Variants in ASS1 observed in about 807,000 individuals in gnomAD.
ASS1 encodes argininosuccinate synthase.
In ASS1, 58 loss-of-function variants were observed where a neutral mutation model predicts 60.5. That is an observed-to-expected ratio of 0.96 (90% confidence interval 0.78 to 1.19). The LOEUF (loss-of-function observed/expected upper bound fraction) is 1.19. ASS1 is among the 50% of genes most tolerant of loss of function. The probability of loss-of-function intolerance (pLI) is 0.00; values close to 1 mark genes in which losing one functional copy is unlikely to be tolerated. For missense variants in ASS1, 454 were observed against 547.3 expected (o/e 0.83, Z 1.70); for synonymous variants, 200 against 206.9 (o/e 0.97, Z 0.29).
rs1564906845 is a variant in ASS1, at chr9:130,465,037, TATA to T, written c.420+871_420+873del. Among the ~76,000 whole-genome samples the T allele has an allele frequency of 2.6e-3, 308 of 119,308 alleles. 1 individual carries two copies. Among genetic ancestry groups the T allele is most frequent in the African/African-American group, 9.9e-3 (290 of 29,214 alleles). 78.3% of individuals were successfully genotyped at this position (119,308 alleles called of 152,430 possible). A position where few individuals can be genotyped will look rare whatever the true frequency, so the allele number is the denominator to read the frequency against. On this transcript the variant is annotated intron_variant, in intron 5 of 14. Transcript: ENST00000352480. ...ATTACATATAAATACATATGTTTTA[TATA>T]TATATATATATATATATTTTTTTTT...
intron 5 of ASS1, among the ~76,000 whole-genome samples, chr9:130,465,873 G>A (rs553731892): frequency 2.6e-5 from 4 of 152,298 alleles, no homozygotes; most frequent in South Asian, 2.1e-4. Flanking sequence ...GCCCTCCCTC[G>A]GTTCCCACAG....
At chr9:130,485,166 C>T (rs1257410588) in intron 11 of ASS1, among the ~76,000 whole-genome samples, 1 of 152,196 alleles carries the variant, frequency 6.6e-6, no homozygotes. Flanking sequence ...GAGCCCTGAA[C>T]CCCACCTGCG....
chr9:130,454,186 C>T (rs1433911224), intron 2 of ASS1, 119 bp from the exon 3 acceptor site: 4 of 1,018,354 alleles, frequency 3.9e-6, no homozygotes, highest in African/African-American at 3.2e-5. Context: ...CTTACTGTGA[C>T]TTGGCCATGG....
chr9:130,467,092 C>T (rs1186300002), intron 6 of ASS1, among the ~76,000 whole-genome samples: 4 of 152,244 alleles, frequency 2.6e-5, no homozygotes, highest in African/African-American at 9.6e-5. Flanking sequence ...CCCTGGGAGG[C>T]GGAGACCAGA....
chr9:130,449,807 C>T (rs1845283298), intron 1 of ASS1, among the ~76,000 whole-genome samples: 1 of 152,140 alleles, frequency 6.6e-6, no homozygotes, highest in South Asian at 2.1e-4. Context: ...GTCACGGGCG[C>T]ATCCGCACGC....
At chr9:130,467,830 C>T (rs1331410803) in intron 6 of ASS1, among the ~76,000 whole-genome samples, 4 of 152,244 alleles carry the variant, frequency 2.6e-5, no homozygotes, top group East Asian at 3.9e-4. Context: ...CCTCACGCCT[C>T]GAGTCCTGGA....
intron 11 of ASS1, among the ~76,000 whole-genome samples, chr9:130,484,607 C>T (rs771329122): frequency 9.9e-5 from 15 of 152,174 alleles, no homozygotes; most frequent in Non-Finnish European, 1.8e-4. Context: ...GTCTCTTCCA[C>T]GGCAACACAG....
intron 13 of ASS1, among the ~76,000 whole-genome samples, chr9:130,495,746 C>G (rs1384110924): frequency 6.6e-6 from 1 of 152,006 alleles, no homozygotes; most frequent in African/African-American, 2.4e-5. Context: ...AATGCGGTAG[C>G]TTGGACCATG....
intron 2 of ASS1, 147 bp downstream of exon 2, chr9:130,452,480 C>T: frequency 1.3e-6 from 1 of 757,290 alleles, no homozygotes. Flanking sequence ...CTGTCTTGAA[C>T]TGGAACTAGG....
intron 5 of ASS1, chr9:130,466,485 C>T (rs758427162): frequency 1.7e-6 from 1 of 589,070 alleles, no homozygotes; most frequent in Non-Finnish European, 3.1e-6. Flanking sequence ...CCCCTTCTCA[C>T]CCCAACACAC....
At chr9:130,495,229 G>A (rs1846555238) in intron 13 of ASS1, among the ~76,000 whole-genome samples, 1 of 152,096 alleles carries the variant, frequency 6.6e-6, no homozygotes, top group Non-Finnish European at 1.5e-5. Flanking sequence ...TTACCAGAAT[G>A]TAGAATTAGA....
rs552482235 is a variant in ASS1 at position 130,501,123 on chromosome 9, G to T, written c.*102G>T. On this transcript the variant is annotated 3_prime_UTR_variant, in exon 15 of 15. Transcript: ENST00000352480. Reference sequence around the variant, plus strand: ...TTGTAATTGTGACTTGTTCTCCCCGGCTGGCAGCGTAGTGGGGCTGCCAGG... The same window carrying T: ...TTGTAATTGTGACTTGTTCTCCCCGTCTGGCAGCGTAGTGGGGCTGCCAGG... 3.9e-4 allele frequency: 528 copies of T among 1,357,996 alleles called. 9 individuals are homozygous for T. The South Asian group carries it at 5.7e-3, about 15-fold the overall frequency. 84.1% of individuals were successfully genotyped at this position (1,357,996 alleles called of 1,614,324 possible). A position where few individuals can be genotyped will look rare whatever the true frequency, so the allele number is the denominator to read the frequency against.
At chr9:130,496,326 T>A (rs1481018025) in intron 13 of ASS1, among the ~76,000 whole-genome samples, 2 of 151,468 alleles carry the variant, frequency 1.3e-5, no homozygotes, top group African/African-American at 2.4e-5. Context: ...GAGGCTGAGG[T>A]GGGAGCGTCT....
intron 11 of ASS1, among the ~76,000 whole-genome samples, chr9:130,486,529 G>A (rs666174): frequency 0.32 from 48,407 of 151,972 alleles, 8,272 homozygotes; most frequent in East Asian, 0.59. Flanking sequence ...AAATGATGAC[G>A]GACCCATTTG....
chr9:130,479,316 T>G (rs939333528), intron 9 of ASS1, among the ~76,000 whole-genome samples: 9 of 152,076 alleles, frequency 5.9e-5, no homozygotes, highest in African/African-American at 2.2e-4. Flanking sequence ...AGCGAGTATG[T>G]GTGTGCTTGA....
chr9:130,471,841 G>A (rs969645083), intron 8 of ASS1, among the ~76,000 whole-genome samples: 9 of 152,354 alleles, frequency 5.9e-5, no homozygotes, highest in Admixed American at 5.9e-4. Context: ...TGAGACACTT[G>A]GGGGAGGGCC....
chr9:130,485,692 T>A (rs943749358), intron 11 of ASS1, among the ~76,000 whole-genome samples: 2 of 152,176 alleles, frequency 1.3e-5, no homozygotes, highest in African/African-American at 4.8e-5. Flanking sequence ...GTACCCAAAC[T>A]AATCACTAGA....
At chr9:130,445,457 A>T (rs1677395272) in intron 1 of ASS1, among the ~76,000 whole-genome samples, 1 of 152,156 alleles carries the variant, frequency 6.6e-6, no homozygotes, top group Non-Finnish European at 1.5e-5. Flanking sequence ...GCGTAAAACC[A>T]GGAGTCCAGC....
chr9:130,471,347 G>A (rs1845861344), intron 7 of ASS1, 138 bp from the exon 8 acceptor site: 1 of 1,070,316 alleles, frequency 9.3e-7, no homozygotes, highest in Non-Finnish European at 1.4e-6. Context: ...GAATGTTTCA[G>A]GCAGGTTGGC....
Sources: gnomAD v4.1 joint callset for allele counts (sites outside exome capture counted in the v4.1 genomes callset) on GRCh38, gnomAD v4.1.1 for gene constraint, MANE v1.5 for transcripts, NCBI Gene and HGNC (gene_info 2026-07-23, HGNC 2026-07-21) for gene names.